Variants in KCNAB2 observed in about 807,000 individuals in gnomAD.
KCNAB2 encodes potassium voltage-gated channel subfamily A regulatory beta subunit 2, also known as voltage-gated potassium channel subunit beta-2.
A neutral mutation model predicts 63.6 loss-of-function variants in KCNAB2; 29 were observed. The observed-to-expected ratio is 0.46, with a 90% CI of 0.34 to 0.62. The LOEUF (loss-of-function observed/expected upper bound fraction) is 0.62, where lower values mean the gene tolerates loss of function less well. Among genes scored for constraint, KCNAB2 ranks in the 20% least tolerant of loss-of-function variants. The pLI, the probability that KCNAB2 is intolerant of heterozygous loss-of-function variation, is 0.01. For missense variants in KCNAB2, 359 were observed against 563.9 expected, an observed-to-expected ratio of 0.64 and a Z score of 3.68; for synonymous variants, 222 against 224.2, an observed-to-expected ratio of 0.99 and a Z score of 0.09.
chr1:6,015,716 G>GT (rs1365057222), intron 1 of KCNAB2, among the ~76,000 whole-genome samples: 1 of 152,042 alleles, frequency 6.6e-6, no homozygotes, highest in Non-Finnish European at 1.5e-5. Context: ...GTTTTTGGGG[G>GT]TTTTTTGAGA....
Position 6,037,802 on chromosome 1 carries a change from T to G in KCNAB2, c.-52-2715T>G, listed in dbSNP as rs903719574. 1.5e-4 allele frequency among the ~76,000 whole-genome samples: 22 copies of G among 151,166 alleles called. 1 individual carries two copies. The highest frequency in any genetic ancestry group is 5.4e-4 in the African/African-American group (22 of 41,082). On this transcript the variant is annotated intron_variant, in intron 1 of 15. Coordinates refer to the KCNAB2 transcript ENST00000164247. Reference sequence around the variant, plus strand: ...GGGATTCAATCACCCCAAAGCCAGGTAACCAGCCTTGGCCTCCCAAAGTTC... The same window carrying G: ...GGGATTCAATCACCCCAAAGCCAGGGAACCAGCCTTGGCCTCCCAAAGTTC...
chr1:6,063,036 T>G (rs1044324633), intron 2 of KCNAB2, among the ~76,000 whole-genome samples: 1 of 151,806 alleles, frequency 6.6e-6, no homozygotes, highest in African/African-American at 2.4e-5. Flanking sequence ...TTGGATTTTT[T>G]TTTTTTTTTT....
intron 4 of KCNAB2, among the ~76,000 whole-genome samples, chr1:6,080,386 TG>T (rs1056794892): frequency 3.9e-5 from 6 of 152,100 alleles, no homozygotes; most frequent in Non-Finnish European, 7.4e-5. Flanking sequence ...AGGAGGAGGC[TG>T]GGGGGGCAGC....
chr1:6,043,917 T>C (rs72861073), upstream of KCNAB2, among the ~76,000 whole-genome samples: 7,716 of 152,268 alleles, frequency 0.051, 687 homozygotes, highest in African/African-American at 0.18. Flanking sequence ...ACCAGGCAGC[T>C]CGTCTAAGCT....
At position 6,086,639 on chromosome 1, in the gene KCNAB2, GA is replaced by G. The variant is rs1343329081; in HGVS notation, c.426-827del. On this transcript the variant is annotated intron_variant, in intron 6 of 15. Coordinates refer to ENST00000378083, the MANE Select transcript of KCNAB2 (RefSeq NM_001199862.2). The surrounding 1 kb of genome is among the most constrained non-coding windows in gnomAD (Gnocchi z 4.2). ...AGGGGTCAAGGTCAAACGTGGCTGG[GA>G]GGGGCCATCATTATCCCCCATCCCA... Among the ~76,000 whole-genome samples the G allele has an allele frequency of 1.3e-5, 2 of 152,180 alleles. No individual in the cohort carries two copies. Among genetic ancestry groups the G allele is most frequent in the Non-Finnish European group, 2.9e-5 (2 of 68,016 alleles).
In KCNAB2 at chr1:6,096,802, G is replaced by A. The variant is rs1024057517; in HGVS notation, c.1069+46G>A. ...GGGCCAGTGCCCCTGGGGAGAACCT[G>A]CCCCAGCTGGCCGTAGGTAACAGGG... On this transcript the variant is annotated intron_variant, in intron 14 of 15. Coordinates refer to ENST00000378083, the MANE Select transcript of KCNAB2 (RefSeq NM_001199862.2). This position sits in a 1 kb window ranked among gnomAD's most constrained non-coding sequence, Gnocchi z 5.9. 2.7e-6 allele frequency: 4 copies of A among 1,505,368 alleles called. No homozygotes were observed. Among genetic ancestry groups the A allele is most frequent in the Non-Finnish European group, 3.6e-6 (4 of 1,119,800 alleles). The allele number at this position is 1,505,368 out of a possible 1,614,324, so 93.3% of individuals were successfully genotyped here.
chr1:6,097,312 G>A lies in KCNAB2; in HGVS notation c.1113G>A (p.Gly371=). Residue 371 remains glycine, a synonymous_variant, in exon 15 of 16, where the codon GGG becomes GGA. Coordinates refer to ENST00000378083, the MANE Select transcript of KCNAB2 (RefSeq NM_001199862.2). ...AGGGAGTCAGCTCCGTGCTCCTGGG[G>A]GCCTCCAATGCGGACCAGCTCATGG... ...RNEGVSSVLL[G]ASNADQLMEN... is the part of the protein sequence containing the mutation. 1 of 1,552,524 alleles carries A rather than the reference G, an allele frequency of 6.4e-7. No homozygotes were observed. Among genetic ancestry groups the A allele is most frequent in the African/African-American group, 1.4e-5 (1 of 73,514 alleles).
chr1:6,030,962 A>G (rs540643880), upstream of KCNAB2, among the ~76,000 whole-genome samples: 12 of 151,522 alleles, frequency 7.9e-5, no homozygotes, highest in South Asian at 2.5e-3. Flanking sequence ...AGAGGCAGCA[A>G]AGTCACACAG....
chr1:6,095,653 G>T, intron 13 of KCNAB2, 29 bp downstream of exon 13: 1 of 1,604,150 alleles, frequency 6.2e-7, no homozygotes, highest in Non-Finnish European at 8.5e-7. Flanking sequence ...GGGGAGGGAC[G>T]GGCAGGGGAT....
intron 1 of KCNAB2, among the ~76,000 whole-genome samples, chr1:6,019,753 A>T (rs1411688630): frequency 6.6e-6 from 1 of 152,138 alleles, no homozygotes; most frequent in East Asian, 1.9e-4. Flanking sequence ...AATTATATTC[A>T]TGGCTTAAGT....
At chr1:6,095,176 C>A in intron 11 of KCNAB2, 147 bp from the exon 12 acceptor site, 1 of 817,450 alleles carries the variant, frequency 1.2e-6, no homozygotes, top group Admixed American at 2.7e-5. Context: ...CCCAGGGAAG[C>A]TATGAGTGTG....
chr1:6,015,636 A>G (rs1658449685), intron 1 of KCNAB2, among the ~76,000 whole-genome samples: 2 of 152,208 alleles, frequency 1.3e-5, no homozygotes, highest in African/African-American at 4.8e-5. Flanking sequence ...GGCTTGGGTC[A>G]GTGTTGGGTT....
intron 1 of KCNAB2, among the ~76,000 whole-genome samples, chr1:6,005,463 C>T (rs1308185576): frequency 1.1e-4 from 6 of 53,964 alleles, no homozygotes; most frequent in Admixed American, 1.9e-4. Flanking sequence ...AGGGTGGAGG[C>T]GGGGACGTGG....
chr1:6,047,308 G>A (rs1036916548), intron 1 of KCNAB2, among the ~76,000 whole-genome samples: 13 of 152,202 alleles, frequency 8.5e-5, no homozygotes, highest in Non-Finnish European at 1.5e-4. Context: ...AGGACCTGAC[G>A]CTGCTAGAGT....
rs1046189000 is a variant in KCNAB2 at position 6,035,225 on chromosome 1, CAGGGGCCAGTGTGTG to C, written c.-53+438_-53+452del. Among the ~76,000 whole-genome samples, 15 of 152,164 alleles carry C rather than the reference CAGGGGCCAGTGTGTG, an allele frequency of 9.9e-5. No individual in the cohort carries two copies. Among genetic ancestry groups the C allele is most frequent in the African/African-American group, 3.6e-4 (15 of 41,506 alleles). On this transcript the variant is annotated intron_variant, in intron 1 of 15. Coordinates refer to the KCNAB2 transcript ENST00000164247. This position sits in a 1 kb window ranked among gnomAD's most constrained non-coding sequence, Gnocchi z 5.0. The stretch of plus-strand genomic sequence containing the variant: ...ACAGACCCCCAGGGAGCCAGTGTGG[CAGGGGCCAGTGTGTG>C]AGGGGCTCAGCGGGGGATGTGGCTA...
chr1:6,004,252 G>C (rs1269188692), intron 1 of KCNAB2, among the ~76,000 whole-genome samples: 1 of 149,444 alleles, frequency 6.7e-6, no homozygotes, highest in African/African-American at 2.5e-5. Flanking sequence ...TAAGAGACAC[G>C]ATCTTGCTGT....
At chr1:6,088,384 C>T (rs1467183275) in intron 7 of KCNAB2, among the ~76,000 whole-genome samples, 2 of 151,892 alleles carry the variant, frequency 1.3e-5, no homozygotes, top group African/African-American at 2.4e-5. Flanking sequence ...CCACCATGCC[C>T]AGCTAATTTT....
chr1:6,072,631 C>T (rs577562057), intron 2 of KCNAB2, 124 bp from the exon 3 acceptor site: 8 of 1,076,032 alleles, frequency 7.4e-6, no homozygotes, highest in South Asian at 4.2e-5. Flanking sequence ...CGGTGCCTTT[C>T]GGAGCCTCCA....
chr1:6,002,603 G>A (rs563746550), intron 1 of KCNAB2, among the ~76,000 whole-genome samples: 2 of 152,230 alleles, frequency 1.3e-5, no homozygotes, highest in African/African-American at 2.4e-5. Context: ...TACAAACGAG[G>A]CACTTAATTA....
Sources: allele counts gnomAD v4.1 joint callset (sites outside exome capture counted in the v4.1 genomes callset), GRCh38; gene constraint gnomAD v4.1.1; non-coding constraint Gnocchi (gnomAD v3.1); transcripts MANE v1.5; gene names NCBI Gene and HGNC (gene_info 2026-07-23, HGNC 2026-07-21).